The following OSBPL1A variants were observed in gnomAD, a reference collection of about 807,000 sequenced individuals.
The protein encoded by OSBPL1A is oxysterol-binding protein-related protein 1.
A neutral mutation model predicts 137.1 loss-of-function variants in OSBPL1A; 80 were observed. That is an observed-to-expected ratio of 0.58 (90% CI 0.49 to 0.70). The LOEUF is 0.70. OSBPL1A is among the 30% of genes least tolerant of loss of function. OSBPL1A has a pLI of 0.00. For synonymous variants in OSBPL1A, 365 were observed against 389.7 expected, an observed-to-expected ratio of 0.94 and a Z score of 0.75; for missense variants, 970 against 1,129.4, an observed-to-expected ratio of 0.86 and a Z score of 2.02.
chr18:24,235,126 G>A (rs1441762293), intron 16 of OSBPL1A, among the ~76,000 whole-genome samples: 1 of 152,126 alleles, frequency 6.6e-6, no homozygotes, highest in Admixed American at 6.5e-5. Flanking sequence ...TCTAGGTGAG[G>A]GAATGCGATG....
chr18:24,165,476 A>G (rs2086124935), intron 26 of OSBPL1A, among the ~76,000 whole-genome samples: 1 of 152,212 alleles, frequency 6.6e-6, no homozygotes, highest in South Asian at 2.1e-4. Context: ...AAAACTAAAT[A>G]AATGTGAAAT....
In OSBPL1A at chr18:24,351,347, C is replaced by CAAAA. The variant is rs1172514692; in HGVS notation, c.283-9693_283-9690dup. On this transcript the variant is annotated intron_variant, in intron 4 of 27. Coordinates refer to ENST00000319481, the MANE Select transcript of OSBPL1A (RefSeq NM_080597.4). ...CTGGACAACAGAGAAGACTCTGTCT[C>CAAAA]AAAAAAAAAAAAAAAAAAAAAAGAC... Among the ~76,000 whole-genome samples the CAAAA allele has an allele frequency of 6.1e-3, 219 of 35,732 alleles. 11 individuals are homozygous for CAAAA. The highest frequency in any genetic ancestry group is 0.025 in the East Asian group (17 of 670). The allele number at this position is 35,732 out of a possible 152,430, so 23.4% of individuals were successfully genotyped here. A position where few individuals can be genotyped will look rare whatever the true frequency, so the allele number is the denominator to read the frequency against.
Position 24,312,076 on chromosome 18 carries a change from C to T in OSBPL1A, c.1000G>A (p.Ala334Thr). The T allele has an allele frequency of 1.2e-6, 2 of 1,614,064 alleles. No homozygotes were observed. The highest frequency in any genetic ancestry group is 1.1e-5 in the South Asian group (1 of 91,066). The change falls in exon 13 of 28, where the codon GCT (alanine) becomes ACT (threonine). Residue 334 changes from alanine to threonine, a missense_variant. Transcript: ENST00000319481. ...DWLEAIEEHS[A>T]YSTHYCSQDQ... ...TGGGAACAGTAGTGAGTGCTGTAAGCAGAATGTTCTTCTATTGCTTCCAGC... is the reference window on the plus strand; with the variant it reads ...TGGGAACAGTAGTGAGTGCTGTAAGTAGAATGTTCTTCTATTGCTTCCAGC...
At chr18:24,197,791 T>C (rs113371465) in intron 17 of OSBPL1A, among the ~76,000 whole-genome samples, 178 of 148,264 alleles carry the variant, frequency 1.2e-3, no homozygotes, top group Middle Eastern at 3.4e-3. Flanking sequence ...CTTTTCTTTT[T>C]TTTTTTTTTT....
At chr18:24,276,841 A>C (rs767797646) in intron 15 of OSBPL1A, among the ~76,000 whole-genome samples, 15 of 152,230 alleles carry the variant, frequency 9.9e-5, no homozygotes, top group Non-Finnish European at 1.8e-4. Context: ...TCATATCAGT[A>C]CATCCTCAAA....
chr18:24,178,963 T>C (rs1019283578), intron 20 of OSBPL1A: 1 of 152,216 alleles, frequency 6.6e-6, no homozygotes, highest in Non-Finnish European at 1.5e-5. Context: ...GATGCAGTCA[T>C]TGGCTTCATG....
rs111790234 is a variant in OSBPL1A, at chr18:24,265,480, G to GGAAAAA, written c.1281+15356_1281+15361dup. 3.7e-3 allele frequency among the ~76,000 whole-genome samples: 565 copies of GGAAAAA among 151,472 alleles called. 3 individuals are homozygous for GGAAAAA. The highest frequency in any genetic ancestry group is 0.013 in the African/African-American group (549 of 41,260). On this transcript the variant is annotated intron_variant, in intron 15 of 27. Transcript: ENST00000319481. Reference sequence around the variant, plus strand: ...GGGCGACAGAGTGATACTCCATCTTGGAAAAAGAAAAAGAAAAAGAAAAAG... The same window carrying GGAAAAA: ...GGGCGACAGAGTGATACTCCATCTTGGAAAAAGAAAAAGAAAAAGAAAAAGAAAAAG...
Position 24,379,578 on chromosome 18 carries a change from G to A in OSBPL1A, c.-2-2043C>T, listed in dbSNP as rs116329432. 8.8e-3 allele frequency among the ~76,000 whole-genome samples: 1,334 copies of A among 151,418 alleles called. 20 individuals carry two copies. The highest frequency in any genetic ancestry group is 0.031 in the African/African-American group (1,293 of 41,280). On this transcript the variant is annotated intron_variant, in intron 1 of 27. Coordinates refer to ENST00000319481, the MANE Select transcript of OSBPL1A (RefSeq NM_080597.4). ...CCAGGAGGTCAAACATTGAAACGAA[G>A]TTCTAAAAAAAGAAAACAGAGAGAC...
intron 8 of OSBPL1A, 48 bp downstream of exon 8, chr18:24,318,700 A>C: frequency 6.3e-7 from 1 of 1,595,390 alleles, no homozygotes; most frequent in South Asian, 1.1e-5. Flanking sequence ...AACATTCAAA[A>C]ATTTTTTTCT....
At chr18:24,232,673 C>A (rs374152705) in intron 16 of OSBPL1A, among the ~76,000 whole-genome samples, 5 of 152,254 alleles carry the variant, frequency 3.3e-5, no homozygotes, top group South Asian at 4.2e-4. Flanking sequence ...ACAAAGAAAA[C>A]AATTCTAGAA....
At chr18:24,175,122 A>G (rs867661303) in intron 21 of OSBPL1A, among the ~76,000 whole-genome samples, 65 of 124,892 alleles carry the variant, frequency 5.2e-4, no homozygotes, top group African/African-American at 2.7e-3. Context: ...ATATATATAT[A>G]TATATATATA....
At chr18:24,318,453 A>G (rs1428029459) in intron 9 of OSBPL1A, 148 bp downstream of exon 9, 3 of 725,412 alleles carry the variant, frequency 4.1e-6, no homozygotes, top group African/African-American at 1.8e-5. Flanking sequence ...TAAAAATAAA[A>G]AAAAAAATCA....
intron 13 of OSBPL1A, among the ~76,000 whole-genome samples, chr18:24,310,432 C>CAAAAAAAAAAA (rs3039412): frequency 4.9e-4 from 44 of 89,192 alleles, no homozygotes; most frequent in Non-Finnish European, 7.2e-4. Context: ...ACTAAAAATA[C>CAAAAAAAAAAA]AAAAAAAAAA....
chr18:24,174,308 T>G (rs745759838), intron 21 of OSBPL1A, among the ~76,000 whole-genome samples: 48 of 152,240 alleles, frequency 3.2e-4, no homozygotes, highest in Admixed American at 2.1e-3. Context: ...ACTGCCAAAC[T>G]GTTCTCCAGG....
At position 24,250,174 on chromosome 18, in the gene OSBPL1A, G is replaced by GTTTTTTTTTTTTTTTTTTT. The variant is rs1233264916; in HGVS notation, c.1282-10793_1282-10792insAAAAAAAAAAAAAAAAAAA. On this transcript the variant is annotated intron_variant, in intron 15 of 27. Coordinates refer to ENST00000319481, the MANE Select transcript of OSBPL1A (RefSeq NM_080597.4). ...TGTGTTTTTGTTTGTTTGTTTGTTT[G>GTTTTTTTTTTTTTTTTTTT]TTTGTTTGTTTGTTTTTTTTGACAT... 4.0e-5 allele frequency among the ~76,000 whole-genome samples: 3 copies of GTTTTTTTTTTTTTTTTTTT among 75,352 alleles called. 1 individual carries two copies. The highest frequency in any genetic ancestry group is 2.6e-5 in the Non-Finnish European group (1 of 38,836). The allele number at this position is 75,352 out of a possible 152,430, so 49.4% of individuals were successfully genotyped here. A position where few individuals can be genotyped will look rare whatever the true frequency, so the allele number is the denominator to read the frequency against.
At chr18:24,344,765 TTTG>T (rs1451836080) in intron 4 of OSBPL1A, among the ~76,000 whole-genome samples, 1 of 151,602 alleles carries the variant, frequency 6.6e-6, no homozygotes, top group Non-Finnish European at 1.5e-5. Context: ...AGTAGATTGG[TTTG>T]TTGAGGGGGA....
At chr18:24,225,300 G>A in intron 16 of OSBPL1A, 102 bp from the exon 17 acceptor site, 1 of 1,258,188 alleles carries the variant, frequency 7.9e-7, no homozygotes, top group Non-Finnish European at 1.1e-6. Flanking sequence ...AACCTAAGCA[G>A]CCTACTTTGT....
At chr18:24,280,442 G>C (rs2089933991) in intron 15 of OSBPL1A, among the ~76,000 whole-genome samples, 1 of 152,136 alleles carries the variant, frequency 6.6e-6, no homozygotes, top group Non-Finnish European at 1.5e-5. Context: ...TGAGGGGAAA[G>C]AACACAAAAA....
chr18:24,248,457 C>A (rs575663924), intron 15 of OSBPL1A, among the ~76,000 whole-genome samples: 1 of 152,318 alleles, frequency 6.6e-6, no homozygotes, highest in South Asian at 2.1e-4. Context: ...GCATTGCCAT[C>A]TTCTTCAACC....
Sources: gnomAD v4.1 joint callset for allele counts (sites outside exome capture counted in the v4.1 genomes callset) on GRCh38, gnomAD v4.1.1 for gene constraint, MANE v1.5 for transcripts, NCBI Gene and HGNC (gene_info 2026-07-23, HGNC 2026-07-21) for gene names.